The following PTPRO variants were observed in gnomAD, a reference collection of about 807,000 sequenced individuals.
PTPRO encodes receptor-type tyrosine-protein phosphatase O.
In PTPRO, 62 loss-of-function variants were observed where a neutral mutation model predicts 145.2. The observed-to-expected ratio is 0.43, with a 90% CI of 0.35 to 0.53. PTPRO has a LOEUF of 0.53. PTPRO is among the 20% of genes least tolerant of loss of function. The pLI is 0.01. For synonymous variants in PTPRO, 565 were observed against 514.7 expected (o/e 1.10, Z -1.32); for missense variants, 1,345 against 1,482.7 (o/e 0.91, Z 1.53).
intron 1 of PTPRO, among the ~76,000 whole-genome samples, chr12:15,463,687 T>C (rs2136401519): frequency 6.6e-6 from 1 of 152,342 alleles, no homozygotes; most frequent in African/African-American, 2.4e-5. Context: ...TCTTTGTTGA[T>C]ATTCTTTCTC....
chr12:15,504,119 G>C (rs749272306), intron 6 of PTPRO, 50 bp downstream of exon 6: 6 of 1,536,108 alleles, frequency 3.9e-6, no homozygotes, highest in Non-Finnish European at 5.4e-6. Context: ...TAGAACAATG[G>C]AACTGGTGGG....
Position 15,561,002 on chromosome 12 carries a change from C to A in PTPRO, c.2711+726C>A, listed in dbSNP as rs942812474. On this transcript the variant is annotated intron_variant, in intron 17 of 26. Transcript: ENST00000281171. ...TCAAATCTTGAAGTGTTCCTTTTGA[C>A]TTTTTAATATGTAATGATAACAGTA... Among the ~76,000 whole-genome samples the A allele has an allele frequency of 9.5e-4, 144 of 152,026 alleles. 9 individuals carry two copies. The highest frequency in any genetic ancestry group is 7.4e-5 in the Non-Finnish European group (5 of 67,964).
intron 1 of PTPRO, among the ~76,000 whole-genome samples, chr12:15,472,657 C>T (rs546093717): frequency 1.3e-5 from 2 of 152,342 alleles, no homozygotes; most frequent in East Asian, 3.9e-4. Flanking sequence ...ATGTCCGTGG[C>T]ACTGAACAGT....
intron 1 of PTPRO, among the ~76,000 whole-genome samples, chr12:15,433,766 G>A (rs534199940): frequency 2.0e-5 from 3 of 152,304 alleles, no homozygotes; most frequent in Non-Finnish European, 2.9e-5. Context: ...GTAGCCTGCA[G>A]TATAGTTTGA....
intron 20 of PTPRO, 95 bp from the exon 21 acceptor site, chr12:15,579,943 CA>C: frequency 1.1e-6 from 1 of 928,166 alleles, no homozygotes; most frequent in Admixed American, 1.8e-5. Flanking sequence ...CCTACTCTGT[CA>C]CTGACTGATT....
intron 1 of PTPRO, among the ~76,000 whole-genome samples, chr12:15,403,714 G>C (rs1939566894): frequency 6.6e-6 from 1 of 152,042 alleles, no homozygotes; most frequent in Admixed American, 6.5e-5. Context: ...CTTCTTACCA[G>C]TGTCCCTTGT....
intron 19 of PTPRO, among the ~76,000 whole-genome samples, chr12:15,575,151 G>T (rs1944152282): frequency 6.6e-6 from 1 of 152,168 alleles, no homozygotes; most frequent in Non-Finnish European, 1.5e-5. Context: ...TGAAAATTTA[G>T]GTTCACAGGC....
chr12:15,374,571 A>G (rs960790940), intron 1 of PTPRO, among the ~76,000 whole-genome samples: 5 of 152,152 alleles, frequency 3.3e-5, no homozygotes, highest in African/African-American at 1.2e-4. Flanking sequence ...AAATAGTAGC[A>G]TCCCCAGAGT....
intron 12 of PTPRO, among the ~76,000 whole-genome samples, chr12:15,544,220 G>A (rs189831132): frequency 2.4e-4 from 37 of 152,148 alleles, no homozygotes; most frequent in Admixed American, 2.0e-3. Context: ...AAAGGAGGCC[G>A]GGGGTGGTGG....
intron 19 of PTPRO, among the ~76,000 whole-genome samples, chr12:15,575,523 C>T (rs991035951): frequency 2.0e-5 from 3 of 152,306 alleles, no homozygotes; most frequent in African/African-American, 7.2e-5. Context: ...TTTAAACTAT[C>T]ACTCTATGGT....
chr12:15,361,528 G>T (rs1938211476), intron 1 of PTPRO, among the ~76,000 whole-genome samples: 1 of 151,836 alleles, frequency 6.6e-6, no homozygotes, highest in African/African-American at 2.4e-5. Flanking sequence ...AGAAGAATAG[G>T]GCTTATTTGA....
intron 1 of PTPRO, among the ~76,000 whole-genome samples, chr12:15,328,787 A>G (rs752208706): frequency 3.9e-5 from 6 of 152,236 alleles, no homozygotes; most frequent in Non-Finnish European, 8.8e-5. Context: ...CTTTATAAAT[A>G]GGAATGCTGC....
At chr12:15,594,310 A>C (rs1208870328) in intron 25 of PTPRO, among the ~76,000 whole-genome samples, 1 of 152,072 alleles carries the variant, frequency 6.6e-6, no homozygotes, top group Admixed American at 6.6e-5. Context: ...TTATTAAATT[A>C]CCTGGAATTT....
intron 1 of PTPRO, among the ~76,000 whole-genome samples, chr12:15,347,633 G>GA (rs1867270785): frequency 6.6e-6 from 1 of 152,144 alleles, no homozygotes; most frequent in Non-Finnish European, 1.5e-5. Context: ...GTTTTAGAAT[G>GA]AATGTATGAG....
chr12:15,391,277 G>T (rs1474345093), intron 1 of PTPRO, among the ~76,000 whole-genome samples: 1 of 152,150 alleles, frequency 6.6e-6, no homozygotes, highest in African/African-American at 2.4e-5. Flanking sequence ...AAAAGGTTTA[G>T]TACCAGTTAT....
chr12:15,413,767 A>G (rs1939868403), intron 1 of PTPRO, among the ~76,000 whole-genome samples: 1 of 152,196 alleles, frequency 6.6e-6, no homozygotes, highest in South Asian at 2.1e-4. Context: ...GCGAGCCAAG[A>G]TCGTGCTACG....
intron 1 of PTPRO, among the ~76,000 whole-genome samples, chr12:15,330,272 C>T (rs2136198873): frequency 6.6e-6 from 1 of 152,238 alleles, no homozygotes; most frequent in East Asian, 1.9e-4. Flanking sequence ...GACAGACAGT[C>T]AAAGAGTGGC....
chr12:15,588,280 C>A (rs1206200694), intron 24 of PTPRO, among the ~76,000 whole-genome samples: 2 of 152,194 alleles, frequency 1.3e-5, no homozygotes, highest in African/African-American at 2.4e-5. Flanking sequence ...GAAAAAGCAA[C>A]CCTTAAACTC....
At chr12:15,533,340 C>A (rs1943000502) in intron 12 of PTPRO, among the ~76,000 whole-genome samples, 1 of 152,130 alleles carries the variant, frequency 6.6e-6, no homozygotes, top group Non-Finnish European at 1.5e-5. Flanking sequence ...TTATTCCTCT[C>A]TGTAGACAAG....
Sources: gnomAD v4.1 joint callset for allele counts (sites outside exome capture counted in the v4.1 genomes callset) on GRCh38, gnomAD v4.1.1 for gene constraint, MANE v1.5 for transcripts, NCBI Gene and HGNC (gene_info 2026-07-23, HGNC 2026-07-21) for gene names.